The following RTN4R variants were observed in gnomAD, a reference collection of about 807,000 sequenced individuals.
RTN4R encodes reticulon 4 receptor, also known as reticulon-4 receptor.
Under a neutral mutation model 27.7 loss-of-function variants are expected in RTN4R, and 4 were observed. The observed-to-expected ratio is 0.14, with a 90% CI of 0.07 to 0.33. The LOEUF (loss-of-function observed/expected upper bound fraction) is 0.33, where lower values mean the gene tolerates loss of function less well. RTN4R is among the 10% of genes least tolerant of loss of function. RTN4R has a pLI of 1.00. For missense variants in RTN4R, 554 were observed against 671.5 expected, an observed-to-expected ratio of 0.83 and a Z score of 1.93; for synonymous variants, 290 against 305.6, an observed-to-expected ratio of 0.95 and a Z score of 0.53.
rs751381193 is a variant in RTN4R at position 20,241,903 on chromosome 22, G to A, written c.1230C>T (p.Thr410=). The change falls in exon 2 of 2, where the codon ACC becomes ACT. Residue 410 remains threonine (T), a synonymous_variant. Coordinates refer to ENST00000043402, the MANE Select transcript of RTN4R (RefSeq NM_023004.6). ...AGCCTGGCCTCCGGCGAGGGCCCGA[G>A]GTGGGGAACCCTGGTGGCTCGGAGC... is the stretch of plus-strand genomic sequence containing the variant. The part of the protein sequence containing the change: ...PEGSEPPGFP[T]SGPRRRPGCS... 1.2e-5 allele frequency: 19 copies of A among 1,606,090 alleles called. No individual in the cohort carries two copies. Among genetic ancestry groups the A allele is most frequent in the Admixed American group, 3.3e-5 (2 of 59,880 alleles).
chr22:20,242,113 G>A lies in RTN4R; in HGVS notation c.1020C>T (p.Ala340=), dbSNP rs370481114. ...GCTCCAGTACTGAGGCCTTGTCAGC[G>A]GCATCTGGCTGGCAGCACTTGGGAA... The part of the protein sequence containing the change: ...LGLPKCCQPD[A]ADKASVLEPG... The change falls in exon 2 of 2, where the codon GCC becomes GCT. Residue 340 remains alanine, a synonymous_variant. Transcript: ENST00000043402. 1.2e-4 allele frequency: 201 copies of A among 1,612,044 alleles called. No individual in the cohort carries two copies. Among genetic ancestry groups the A allele is most frequent in the East Asian group, 3.6e-4 (16 of 44,844 alleles).
chr22:20,241,552 TG>T lies in RTN4R; in HGVS notation c.*158del. 2 of 723,386 alleles carry T rather than the reference TG, an allele frequency of 2.8e-6. No individual in the cohort carries two copies. Among genetic ancestry groups the T allele is most frequent in the Non-Finnish European group, 4.6e-6 (2 of 434,086 alleles). The allele number at this position is 723,386 out of a possible 1,614,324, so 44.8% of individuals were successfully genotyped here. A position where few individuals can be genotyped will look rare whatever the true frequency, so the allele number is the denominator to read the frequency against. ...CTGCCGCCGAACCCTGTAAACATGATGGGGTGGAGATGGGGGTGGCGGGCGG... is the reference window on the plus strand; with the variant it reads ...CTGCCGCCGAACCCTGTAAACATGATGGGTGGAGATGGGGGTGGCGGGCGG... On this transcript the variant is annotated 3_prime_UTR_variant, in exon 2 of 2. Coordinates refer to ENST00000043402, the MANE Select transcript of RTN4R (RefSeq NM_023004.6).
rs774499670 is a variant in RTN4R, at chr22:20,242,900, C to G, written c.233G>C (p.Arg78Pro). Reference sequence around the variant, plus strand: ...CAGGATGGTGAGGTTGCGGCAGGCACGGAAGCTGGCAGCTGGCACATGCGA... The same window carrying G: ...CAGGATGGTGAGGTTGCGGCAGGCAGGGAAGCTGGCAGCTGGCACATGCGA... Reference protein sequence around the residue: ...RISHVPAASFRACRNLTILWL... With the variant: ...RISHVPAASFPACRNLTILWL... Residue 78 changes from arginine (R) to proline (P), a missense_variant, in exon 2 of 2, where the codon CGT (arginine) becomes CCT (proline). Transcript: ENST00000043402. 1.2e-6 allele frequency: 2 copies of G among 1,612,354 alleles called. No individual in the cohort carries two copies. The highest frequency in any genetic ancestry group is 1.7e-5 in the Admixed American group (1 of 59,946).
chr22:20,245,439 G>A (rs2051134927), intron 1 of RTN4R, among the ~76,000 whole-genome samples: 1 of 152,164 alleles, frequency 6.6e-6, no homozygotes, highest in South Asian at 2.1e-4. Flanking sequence ...CAACTTTGCA[G>A]CATGGGTTTG....
chr22:20,260,676 C>T (rs1003054341), intron 1 of RTN4R, among the ~76,000 whole-genome samples: 1 of 152,194 alleles, frequency 6.6e-6, no homozygotes, highest in African/African-American at 2.4e-5. Flanking sequence ...AGTCCCACCC[C>T]GCCCTACCAC....
intron 1 of RTN4R, among the ~76,000 whole-genome samples, chr22:20,245,694 A>G (rs565268765): frequency 1.3e-5 from 2 of 152,056 alleles, no homozygotes; most frequent in East Asian, 1.9e-4. Flanking sequence ...TCTCTCCTCT[A>G]TCTGCCTGGC....
intron 1 of RTN4R, among the ~76,000 whole-genome samples, chr22:20,246,510 A>AT (rs1229044090): frequency 7.9e-6 from 1 of 126,154 alleles, no homozygotes; most frequent in Non-Finnish European, 1.7e-5. Flanking sequence ...GAGAAGGGGG[A>AT]TGGGGAGGTG....
At chr22:20,245,896 A>G (rs1212077107) in intron 1 of RTN4R, among the ~76,000 whole-genome samples, 3 of 152,094 alleles carry the variant, frequency 2.0e-5, no homozygotes, top group Non-Finnish European at 4.4e-5. Flanking sequence ...CAGCTCTCAC[A>G]GAGAAACCAT....
chr22:20,247,294 C>G (rs887765), intron 1 of RTN4R, among the ~76,000 whole-genome samples: 284 of 151,974 alleles, frequency 1.9e-3, no homozygotes, highest in African/African-American at 6.6e-3. Context: ...CCCCGTCAGG[C>G]GGTCACGTCA....
At chr22:20,248,965 C>A (rs1656997863) in intron 1 of RTN4R, among the ~76,000 whole-genome samples, 1 of 152,146 alleles carries the variant, frequency 6.6e-6, no homozygotes, top group Admixed American at 6.5e-5. Context: ...GGCTCCCACC[C>A]CAGTGAGCCC....
At chr22:20,260,314 G>GT (rs1425368836) in intron 1 of RTN4R, among the ~76,000 whole-genome samples, 1 of 152,184 alleles carries the variant, frequency 6.6e-6, no homozygotes, top group Non-Finnish European at 1.5e-5. Flanking sequence ...TGGGCAGGGC[G>GT]TGACCGGCCA....
intron 1 of RTN4R, among the ~76,000 whole-genome samples, chr22:20,254,914 G>A (rs922611253): frequency 6.6e-6 from 1 of 151,314 alleles, no homozygotes; most frequent in African/African-American, 2.4e-5. Flanking sequence ...AGAGAAGGAA[G>A]GTCACCCATC....
At chr22:20,256,292 G>T (rs538059472) in intron 1 of RTN4R, among the ~76,000 whole-genome samples, 1 of 152,280 alleles carries the variant, frequency 6.6e-6, no homozygotes, top group Admixed American at 6.5e-5. Context: ...GTCACCACAG[G>T]GTCATCAGGG....
chr22:20,264,653 T>A (rs2051266996), intron 1 of RTN4R, among the ~76,000 whole-genome samples: 1 of 152,236 alleles, frequency 6.6e-6, no homozygotes, highest in Non-Finnish European at 1.5e-5. Context: ...AGGGTGCCTG[T>A]GACCTTGGCC....
chr22:20,250,951 G>A (rs541304599), intron 1 of RTN4R, among the ~76,000 whole-genome samples: 1 of 152,316 alleles, frequency 6.6e-6, no homozygotes, highest in South Asian at 2.1e-4. Flanking sequence ...TCCGGCTTCG[G>A]AGGAAAGGAC....
intron 1 of RTN4R, among the ~76,000 whole-genome samples, chr22:20,265,083 C>T (rs2051269626): frequency 6.6e-6 from 1 of 152,248 alleles, no homozygotes; most frequent in South Asian, 2.1e-4. Context: ...CAGGAGGGCT[C>T]CTCTGCCTCC....
intron 1 of RTN4R, among the ~76,000 whole-genome samples, chr22:20,260,534 C>T (rs1174477081): frequency 1.3e-5 from 2 of 152,196 alleles, no homozygotes; most frequent in African/African-American, 2.4e-5. Context: ...CTTGGGCCAG[C>T]TCCTCAGCCC....
intron 1 of RTN4R, among the ~76,000 whole-genome samples, chr22:20,257,135 C>A (rs1022217075): frequency 1.3e-5 from 2 of 152,258 alleles, no homozygotes; most frequent in Non-Finnish European, 2.9e-5. Context: ...ATAGAGACAG[C>A]ATTCCCCAGG....
At chr22:20,248,359 G>A (rs1169997564) in intron 1 of RTN4R, among the ~76,000 whole-genome samples, 3 of 152,120 alleles carry the variant, frequency 2.0e-5, no homozygotes, top group Non-Finnish European at 2.9e-5. Flanking sequence ...AGCCACCCCC[G>A]CTCCTAACCT....
Sources: allele counts gnomAD v4.1 joint callset (sites outside exome capture counted in the v4.1 genomes callset), GRCh38; gene constraint gnomAD v4.1.1; transcripts MANE v1.5; gene names NCBI Gene and HGNC (gene_info 2026-07-23, HGNC 2026-07-21).